Variants in PCDHA13 observed in about 807,000 individuals in gnomAD.
PCDHA13 encodes protocadherin alpha-13.
Under a neutral mutation model 64.8 loss-of-function variants are expected in PCDHA13, and 54 were observed. That is an observed-to-expected ratio of 0.83 (90% confidence interval 0.67 to 1.04). The LOEUF (loss-of-function observed/expected upper bound fraction) is 1.04, where lower values mean the gene tolerates loss of function less well. Ranked by LOEUF, PCDHA13 falls within the 50% of genes least tolerant of loss-of-function variation. The pLI is 0.00. For missense variants in PCDHA13, 1,248 were observed against 1,254.3 expected (o/e 0.99, Z 0.08); for synonymous variants, 587 against 564.4 (o/e 1.04, Z -0.57).
chr5:140,969,630 A>G (rs1185557414), intron 1 of PCDHA13: 1 of 654,766 alleles, frequency 1.5e-6, no homozygotes, highest in Non-Finnish European at 2.5e-6. Flanking sequence ...GAAACAGGAC[A>G]GGCCTTGGAA....
chr5:140,929,124 C>A (rs2085843450), intron 1 of PCDHA13: 5 of 1,614,048 alleles, frequency 3.1e-6, no homozygotes, highest in Admixed American at 3.3e-5. Context: ...CCATAGATGT[C>A]ACTACAGTTG....
intron 1 of PCDHA13, among the ~76,000 whole-genome samples, chr5:140,916,856 G>C (rs529499839): frequency 2.6e-5 from 4 of 152,254 alleles, no homozygotes; most frequent in South Asian, 2.1e-4. Flanking sequence ...CCAGCACTAG[G>C]AGTTACCTAG....
intron 1 of PCDHA13, among the ~76,000 whole-genome samples, chr5:140,888,497 A>C (rs2061848830): frequency 6.6e-6 from 1 of 152,250 alleles, no homozygotes; most frequent in Non-Finnish European, 1.5e-5. Flanking sequence ...ACTCTGCTTT[A>C]AAGAGTCTTG....
chr5:140,903,420 G>A (rs1562939328), intron 1 of PCDHA13, among the ~76,000 whole-genome samples: 1 of 152,150 alleles, frequency 6.6e-6, no homozygotes, highest in Non-Finnish European at 1.5e-5. Flanking sequence ...GAAAAATTCA[G>A]CACAATATGT....
chr5:140,962,339 G>A (rs1454430913), intron 1 of PCDHA13, among the ~76,000 whole-genome samples: 1 of 152,152 alleles, frequency 6.6e-6, no homozygotes, highest in Non-Finnish European at 1.5e-5. Flanking sequence ...TGATAAAGAA[G>A]TAAAACTCCC....
At chr5:140,973,208 C>T (rs2096576751) in intron 1 of PCDHA13, among the ~76,000 whole-genome samples, 1 of 152,170 alleles carries the variant, frequency 6.6e-6, no homozygotes, top group African/African-American at 2.4e-5. Flanking sequence ...TGCATATTCA[C>T]CCTAATTCCA....
At chr5:140,988,600 T>C (rs962869761) in intron 3 of PCDHA13, among the ~76,000 whole-genome samples, 15 of 152,214 alleles carry the variant, frequency 9.9e-5, no homozygotes, top group Non-Finnish European at 1.8e-4. Context: ...AATGGTCATG[T>C]AAATAAAAGA....
intron 1 of PCDHA13, among the ~76,000 whole-genome samples, chr5:140,932,599 A>G (rs2088459196): frequency 6.6e-6 from 1 of 151,912 alleles, no homozygotes; most frequent in Non-Finnish European, 1.5e-5. Context: ...TTGTATATCT[A>G]TTTTGACTTT....
At chr5:140,965,861 T>C (rs971753310) in intron 1 of PCDHA13, among the ~76,000 whole-genome samples, 3 of 152,192 alleles carry the variant, frequency 2.0e-5, no homozygotes, top group African/African-American at 7.2e-5. Flanking sequence ...ACACTGAAAA[T>C]AAGGGCCACT....
At chr5:140,967,010 C>A (rs781936791) in intron 1 of PCDHA13, 2 of 1,606,340 alleles carry the variant, frequency 1.2e-6, no homozygotes, top group Admixed American at 3.3e-5. Context: ...CATCAACCAT[C>A]TGGGTGCGCC....
chr5:140,966,428 C>T (rs1297076694), intron 1 of PCDHA13: 6 of 423,554 alleles, frequency 1.4e-5, no homozygotes, highest in Non-Finnish European at 1.2e-5. Flanking sequence ...TTGCTGAGCC[C>T]TCCTACCGCT....
In PCDHA13 at chr5:140,928,350, T is replaced by C. The variant is rs144619371; in HGVS notation, c.2394+43688T>C. The C allele has an allele frequency of 1.3e-5, 21 of 1,614,098 alleles. No homozygotes were observed. The African/African-American group carries it at 2.1e-4, about 16-fold the overall frequency. On this transcript the variant is annotated intron_variant, in intron 1 of 3. Coordinates refer to ENST00000289272, the MANE Select transcript of PCDHA13 (RefSeq NM_018904.3). ...GCCTTGTCTCTTATGAGCTGTTGGA[T>C]GTTATCTCTGAAGGGCCATCAGCCT...
chr5:140,974,720 C>T (rs1554236283), intron 1 of PCDHA13, among the ~76,000 whole-genome samples: 1 of 152,070 alleles, frequency 6.6e-6, no homozygotes, highest in African/African-American at 2.4e-5. Context: ...AAGCTGCTCT[C>T]GAACTCCTGT....
At chr5:140,897,694 G>A (rs1091552) in intron 1 of PCDHA13, among the ~76,000 whole-genome samples, 2,266 of 152,206 alleles carry the variant, frequency 0.015, 53 homozygotes, top group African/African-American at 0.052. Context: ...AGTCCTTTGG[G>A]CATATACCCA....
chr5:140,903,014 A>G (rs551984849), intron 1 of PCDHA13, among the ~76,000 whole-genome samples: 1 of 152,322 alleles, frequency 6.6e-6, no homozygotes, highest in African/African-American at 2.4e-5. Context: ...TTGTGCTGCT[A>G]TCAACATGGC....
At chr5:140,998,274 T>C (rs2097804171) in intron 3 of PCDHA13, among the ~76,000 whole-genome samples, 1 of 152,162 alleles carries the variant, frequency 6.6e-6, no homozygotes, top group African/African-American at 2.4e-5. Flanking sequence ...CTGACACCCA[T>C]AGGATTAAAT....
In PCDHA13 at chr5:140,900,301, C is replaced by CAG. The variant is rs1168626144; in HGVS notation, c.2394+15640_2394+15641dup. Among the ~76,000 whole-genome samples the CAG allele has an allele frequency of 1.4e-4, 22 of 152,156 alleles. No homozygotes were observed. The East Asian group carries it at 4.1e-3, about 28-fold the overall frequency. On this transcript the variant is annotated intron_variant, in intron 1 of 3. Coordinates refer to ENST00000289272, the MANE Select transcript of PCDHA13 (RefSeq NM_018904.3). ...ACACTTTCTTTTCTGTTTTTTTAGACAGTCTCACTTTTGTCGCCCAGGCTG... is the reference window on the plus strand; with the variant it reads ...ACACTTTCTTTTCTGTTTTTTTAGACAGAGTCTCACTTTTGTCGCCCAGGCTG...
At chr5:140,972,001 A>G (rs2096512667) in intron 1 of PCDHA13, among the ~76,000 whole-genome samples, 1 of 152,202 alleles carries the variant, frequency 6.6e-6, no homozygotes, top group African/African-American at 2.4e-5. Context: ...CAATGTTTAT[A>G]TTCCCTTTTA....
Position 140,934,368 on chromosome 5 carries a change from CCTT to C in PCDHA13, c.2395-44578_2395-44576del, listed in dbSNP as rs1168343483. Among the ~76,000 whole-genome samples, 5 of 152,220 alleles carry C rather than the reference CCTT, an allele frequency of 3.3e-5. No homozygotes were observed. In the South Asian group the frequency reaches 1.0e-3, roughly 32 times the overall value. On this transcript the variant is annotated intron_variant, in intron 1 of 3. Transcript: ENST00000289272. ...ACAGTGTGGAGCCACTGCTTTGACT[CCTT>C]CTGTGGTTCTATGGTGGCCAGCTTT...
Sources: gnomAD v4.1 joint callset for allele counts (sites outside exome capture counted in the v4.1 genomes callset) on GRCh38, gnomAD v4.1.1 for gene constraint, MANE v1.5 for transcripts, NCBI Gene and HGNC (gene_info 2026-07-23, HGNC 2026-07-21) for gene names.